The following GTPBP3 variants were observed in gnomAD, a reference collection of about 807,000 sequenced individuals.
GTPBP3 encodes the protein GTP binding protein 3, mitochondrial, also known as 5-taurinomethyluridine-[tRNA] synthase subunit GTPB3, mitochondrial.
A neutral mutation model predicts 42.0 loss-of-function variants in GTPBP3; 35 were observed. That is an observed-to-expected ratio of 0.83 (90% CI 0.64 to 1.10). The LOEUF is 1.10. Among genes scored for constraint, GTPBP3 ranks in the 50% least tolerant of loss-of-function variants. GTPBP3 has a pLI of 0.00. For synonymous variants in GTPBP3, 332 were observed against 314.9 expected, an observed-to-expected ratio of 1.05 and a Z score of -0.58; for missense variants, 691 against 685.2, an observed-to-expected ratio of 1.01 and a Z score of -0.09.
In GTPBP3 at chr19:17,339,410, CCTCTT is replaced by C; in HGVS notation, c.809-21_809-17del. The C allele has an allele frequency of 1.2e-6, 2 of 1,611,486 alleles. No individual in the cohort carries two copies. The highest frequency in any genetic ancestry group is 1.7e-5 in the Admixed American group (1 of 59,902). On this transcript the variant is annotated intron_variant, in intron 6 of 8. Transcript: ENST00000324894. ...AGGAGCTCCCTTGTCTCCACCCTCT[CCTCTT>C]CTTCTGACCCTCCCCCAGGTCGGAA...
intron 1 of GTPBP3, 22 bp downstream of exon 1, chr19:17,337,686 T>G: frequency 2.2e-6 from 3 of 1,359,798 alleles, no homozygotes; most frequent in South Asian, 4.1e-5. Context: ...GGGGAAGGGG[T>G]GCGACAGCTT....
intron 7 of GTPBP3, among the ~76,000 whole-genome samples, chr19:17,340,417 G>A (rs530335166): frequency 2.6e-5 from 4 of 151,788 alleles, no homozygotes; most frequent in Admixed American, 2.6e-4. Flanking sequence ...CAGCCCTCAC[G>A]TTCTGCCCCG....
intron 7 of GTPBP3, 144 bp downstream of exon 7, chr19:17,339,743 T>A: frequency 1.8e-6 from 1 of 567,320 alleles, no homozygotes; most frequent in Non-Finnish European, 2.6e-6. Context: ...TGGTTCTTTT[T>A]TTTTTTTTTT....
rs749795217 is a variant in GTPBP3, at chr19:17,341,748, G to A, written c.*45G>A. 1 of 1,482,246 alleles carries A rather than the reference G, an allele frequency of 6.7e-7. No individual in the cohort carries two copies. The highest frequency in any genetic ancestry group is 2.3e-5 in the East Asian group (1 of 43,554). The allele number at this position is 1,482,246 out of a possible 1,614,324, so 91.8% of individuals were successfully genotyped here. ...ACCCAAGCTGCGTGGAGACCCAGGA[G>A]CCTCGGGGGATCTGGAAACAGTTTA... On this transcript the variant is annotated 3_prime_UTR_variant, in exon 9 of 9. Coordinates refer to ENST00000324894, the MANE Select transcript of GTPBP3 (RefSeq NM_032620.4).
In GTPBP3 at chr19:17,338,533, C is replaced by T; in HGVS notation, c.389-6C>T. On this transcript the variant is annotated splice_region_variant and splice_polypyrimidine_tract_variant and intron_variant, in intron 3 of 8. Coordinates refer to ENST00000324894, the MANE Select transcript of GTPBP3 (RefSeq NM_032620.4). ...CAGGGGGTGTCAGACTGGGACCTTC[C>T]TGCAGGCAGCGTGCCAGGGCTTCGA... 4 of 1,613,340 alleles carry T rather than the reference C, an allele frequency of 2.5e-6. No homozygotes were observed. The highest frequency in any genetic ancestry group is 3.4e-6 in the Non-Finnish European group (4 of 1,179,488).
upstream of GTPBP3, among the ~76,000 whole-genome samples, chr19:17,336,272 C>T (rs1280681299): frequency 3.7e-5 from 4 of 107,482 alleles, no homozygotes; most frequent in Admixed American, 1.1e-4. Flanking sequence ...GCTTGGGCAA[C>T]GTAGTGAGAT....
chr19:17,338,750 C>A lies in GTPBP3; in HGVS notation c.591+9C>A, dbSNP rs759741708. On this transcript the variant is annotated intron_variant, in intron 4 of 8. Transcript: ENST00000324894. ...CCGAGACCCTCACCAAAGCAAGTCCCCCATTTGTCCATTCTCTCCCTCAGA... is the reference window on the plus strand; with the variant it reads ...CCGAGACCCTCACCAAAGCAAGTCCACCATTTGTCCATTCTCTCCCTCAGA... 6 of 1,599,644 alleles carry A rather than the reference C, an allele frequency of 3.8e-6. No individual in the cohort carries two copies. In the South Asian group the frequency reaches 6.7e-5, roughly 18 times the overall value.
chr19:17,341,070 C>A lies in GTPBP3; in HGVS notation c.1001C>A (p.Ala334Asp). The change falls in exon 8 of 9, where the codon GCC becomes GAC. Residue 334 changes from alanine (A) to aspartate (D), a missense_variant. Physicochemically the swap from Ala to Asp is moderately radical, Grantham distance 126. Coordinates refer to ENST00000324894, the MANE Select transcript of GTPBP3 (RefSeq NM_032620.4). Reference protein sequence around the residue: ...ERLEQADLILAMLDASDLASP... With the variant: ...ERLEQADLILDMLDASDLASP... ...CTAGAGCAGGCTGACCTCATTCTGGCCATGCTGGATGCTTCTGACCTGGCC... is the reference window on the plus strand; with the variant it reads ...CTAGAGCAGGCTGACCTCATTCTGGACATGCTGGATGCTTCTGACCTGGCC... 6.2e-7 allele frequency: 1 copy of A among 1,613,724 alleles called. No individual in the cohort carries two copies. The highest frequency in any genetic ancestry group is 8.5e-7 in the Non-Finnish European group (1 of 1,179,936).
At chr19:17,340,672 T>C (rs2074420368) in intron 7 of GTPBP3, among the ~76,000 whole-genome samples, 1 of 144,456 alleles carries the variant, frequency 6.9e-6, no homozygotes. Context: ...TGCTCTGCTC[T>C]TCCCCCTGCA....
At chr19:17,337,421 C>G, upstream of GTPBP3, 1 of 1,180,196 alleles carries the variant, frequency 8.5e-7, no homozygotes, top group South Asian at 4.4e-5. Flanking sequence ...CCTCCCGCTC[C>G]CGCTCTCCCT....
Position 17,338,463 on chromosome 19 carries a change from C to G in GTPBP3, c.388+12C>G. The stretch of plus-strand genomic sequence containing the variant: ...CCTGCAGGCCTTGGGTGAGTTGCAG[C>G]GTTGGGTGAGATGCTTGGTCCTCCC... On this transcript the variant is annotated intron_variant, in intron 3 of 8. Coordinates refer to ENST00000324894, the MANE Select transcript of GTPBP3 (RefSeq NM_032620.4). 6.2e-7 allele frequency: 1 copy of G among 1,613,786 alleles called. No homozygotes were observed.
chr19:17,339,080 C>T lies in GTPBP3; in HGVS notation c.665-43C>T, dbSNP rs551975550. 3.2e-5 allele frequency: 52 copies of T among 1,614,172 alleles called. No homozygotes were observed. The highest frequency in any genetic ancestry group is 5.0e-5 in the Admixed American group (3 of 60,032). The stretch of plus-strand genomic sequence containing the variant: ...GACACCTCATATCAGCCCTCAAAGG[C>T]TCCCCTCACTGTCTCTCTCTGCCTG... On this transcript the variant is annotated intron_variant, in intron 5 of 8. Coordinates refer to ENST00000324894, the MANE Select transcript of GTPBP3 (RefSeq NM_032620.4).
rs748036623 is a variant in GTPBP3 at position 17,338,362 on chromosome 19, T to G, written c.302-3T>G. 6 of 1,614,000 alleles carry G rather than the reference T, an allele frequency of 3.7e-6. No homozygotes were observed. The highest frequency in any genetic ancestry group is 5.1e-6 in the Non-Finnish European group (6 of 1,179,940). ...TCCTCCTGTCACCTGTCTGTCACATTAGGTCCCCAGAGTTTCACCGGTGAG... is the reference window on the plus strand; with the variant it reads ...TCCTCCTGTCACCTGTCTGTCACATGAGGTCCCCAGAGTTTCACCGGTGAG... On this transcript the variant is annotated splice_region_variant and splice_polypyrimidine_tract_variant and intron_variant, in intron 2 of 8. Coordinates refer to ENST00000324894, the MANE Select transcript of GTPBP3 (RefSeq NM_032620.4).
intron 7 of GTPBP3, among the ~76,000 whole-genome samples, chr19:17,340,073 C>T (rs1022612207): frequency 6.6e-6 from 1 of 151,788 alleles, no homozygotes; most frequent in African/African-American, 2.4e-5. Flanking sequence ...GCTCTTGTTG[C>T]CCAGGCTGGA....
At position 17,339,477 on chromosome 19, in the gene GTPBP3, CCG is replaced by C; in HGVS notation, c.853_854del (p.Arg285Ter). 6.2e-7 allele frequency: 1 copy of C among 1,613,978 alleles called. No individual in the cohort carries two copies. The highest frequency in any genetic ancestry group is 8.5e-7 in the Non-Finnish European group (1 of 1,179,984). On this transcript the variant is annotated frameshift_variant, in exon 7 of 9. Coordinates refer to ENST00000324894, the MANE Select transcript of GTPBP3 (RefSeq NM_032620.4). LOFTEE classifies it high-confidence loss of function. ...SIVSPEPGTT[R>X]DVLETPVDLA... ...TCGTGTCCCCGGAGCCAGGGACCAC[CCG>C]TGACGTGCTGGAGACCCCAGTCGAC...
At chr19:17,337,374 C>A, upstream of GTPBP3, 1 of 783,886 alleles carries the variant, frequency 1.3e-6, no homozygotes, top group Non-Finnish European at 1.7e-6. Flanking sequence ...TCATGTTGCC[C>A]GGGGAACAAC....
intron 1 of GTPBP3, 164 bp downstream of exon 1, chr19:17,337,828 C>A: frequency 2.5e-6 from 3 of 1,185,112 alleles, no homozygotes; most frequent in South Asian, 3.2e-5. Context: ...ATCTGGGTCT[C>A]CTTCTGGCCT....
chr19:17,339,912 ATTTT>A (rs35014753), intron 7 of GTPBP3, among the ~76,000 whole-genome samples: 2 of 139,794 alleles, frequency 1.4e-5, no homozygotes. Flanking sequence ...ACGCCGAACT[ATTTT>A]TTTTTTTTTT....
Position 17,337,655 on chromosome 19 carries a change from G to T in GTPBP3, c.44G>T (p.Gly15Val). 1 of 1,336,008 alleles carries T rather than the reference G, an allele frequency of 7.5e-7. No individual in the cohort carries two copies. Among genetic ancestry groups the T allele is most frequent in the Non-Finnish European group, 9.6e-7 (1 of 1,038,704 alleles). The allele number at this position is 1,336,008 out of a possible 1,614,324, so 82.8% of individuals were successfully genotyped here. A position where few individuals can be genotyped will look rare whatever the true frequency, so the allele number is the denominator to read the frequency against. Residue 15 changes from glycine to valine, a missense_variant, in exon 1 of 9, where the codon GGG becomes GTG. Physicochemically the swap from Gly to Val is moderately radical, Grantham distance 109 (BLOSUM62 -3). Coordinates refer to ENST00000324894, the MANE Select transcript of GTPBP3 (RefSeq NM_032620.4). ...LWTLAAQAAR[G>V]PRRLCTRRSS... ...ACCCTGGCGGCCCAAGCGGCACGTG[G>T]GCCTCGCAGGTGGGGCTACAGGGGA...
Sources: allele counts gnomAD v4.1 joint callset (sites outside exome capture counted in the v4.1 genomes callset), GRCh38; gene constraint gnomAD v4.1.1; transcripts MANE v1.5; gene names NCBI Gene and HGNC (gene_info 2026-07-23, HGNC 2026-07-21).